Variants in SPA17 observed in about 807,000 individuals in gnomAD.
SPA17 encodes sperm surface protein Sp17.
Under a neutral mutation model 13.8 loss-of-function variants are expected in SPA17, and 7 were observed. The ratio of observed to expected loss-of-function variants is 0.51; its 90% CI spans 0.29 to 0.95. SPA17 has a LOEUF of 0.95. SPA17 is among the 40% of genes least tolerant of loss of function. The probability of loss-of-function intolerance (pLI) is 0.08; values close to 1 mark genes in which losing one functional copy is unlikely to be tolerated. For synonymous variants in SPA17, 61 were observed against 59.0 expected, an observed-to-expected ratio of 1.03 and a Z score of -0.16; for missense variants, 170 against 179.3, an observed-to-expected ratio of 0.95 and a Z score of 0.30.
chr11:124,675,564 T>C (rs544868583), intron 2 of SPA17, 146 bp downstream of exon 2: 62 of 762,750 alleles, frequency 8.1e-5, no homozygotes, highest in Non-Finnish European at 6.2e-6. Flanking sequence ...TTTGAAACAG[T>C]ATGTACCTCT....
At chr11:124,677,338 C>A (rs1342428698) in intron 2 of SPA17, among the ~76,000 whole-genome samples, 1 of 152,084 alleles carries the variant, frequency 6.6e-6, no homozygotes, top group African/African-American at 2.4e-5. Flanking sequence ...GGTTACTACT[C>A]TTAATTTTTA....
chr11:124,680,029 A>G (rs768669152), intron 2 of SPA17, among the ~76,000 whole-genome samples: 1 of 152,220 alleles, frequency 6.6e-6, no homozygotes, highest in Non-Finnish European at 1.5e-5. Context: ...GGAAAGAACT[A>G]AACCTTTAAC....
chr11:124,696,197 C>G lies in SPA17; in HGVS notation c.*1751C>G, dbSNP rs1422451006. On this transcript the variant is annotated 3_prime_UTR_variant, in exon 5 of 5. Coordinates refer to ENST00000227135, the MANE Select transcript of SPA17 (RefSeq NM_017425.4). ...TCCAGGCTTACAGAGGAAAAGAAAT[C>G]AGTTCTCCTCCAGGATTCCAGCTGT... 1.3e-5 allele frequency: 2 copies of G among 152,288 alleles called. No homozygotes were observed. The highest frequency in any genetic ancestry group is 2.9e-5 in the Non-Finnish European group (2 of 68,162). 9.4% of individuals were successfully genotyped at this position (152,288 alleles called of 1,614,324 possible). A position where few individuals can be genotyped will look rare whatever the true frequency, so the allele number is the denominator to read the frequency against.
At chr11:124,681,556 G>T in intron 3 of SPA17, 97 bp downstream of exon 3, 6 of 684,980 alleles carry the variant, frequency 8.8e-6, no homozygotes, top group Non-Finnish European at 1.1e-5. Context: ...AATTATGTGA[G>T]GAGGCATCAC....
At chr11:124,679,963 T>C (rs767039790) in intron 2 of SPA17, among the ~76,000 whole-genome samples, 26 of 152,228 alleles carry the variant, frequency 1.7e-4, no homozygotes, top group Non-Finnish European at 3.7e-4. Context: ...TTGGTCATCC[T>C]GAGAGGATCC....
rs55684404 is a variant in SPA17 at position 124,675,214 on chromosome 11, C to T, written c.-27-24C>T. ...AAGTAAAATCAGACAAATTTAAAGA[C>T]AGTACTCTTTAATGAATCTTTAGGT... On this transcript the variant is annotated intron_variant, in intron 1 of 4. Transcript: ENST00000227135. The T allele has an allele frequency of 7.2e-3, 11,357 of 1,570,482 alleles. 728 individuals are homozygous for T. The African/African-American group carries it at 0.13, about 18-fold the overall frequency.
intron 3 of SPA17, among the ~76,000 whole-genome samples, chr11:124,684,098 C>T (rs1289420488): frequency 1.3e-5 from 2 of 152,142 alleles, no homozygotes; most frequent in Non-Finnish European, 2.9e-5. Context: ...GCTCAGCTCT[C>T]ATTCTCTCTC....
chr11:124,686,059 A>C (rs2134414770), intron 3 of SPA17, among the ~76,000 whole-genome samples: 1 of 152,222 alleles, frequency 6.6e-6, no homozygotes, highest in East Asian at 1.9e-4. Context: ...TGAGAGCATG[A>C]GATTTGGGAG....
rs60962125 is a variant in SPA17, at chr11:124,696,480, TAC to T, written c.*2054_*2055del. Reference sequence around the variant, plus strand: ...AAAGTGACTAGCACTATGCATTCCATACACACACACACACACACACAGATCTC... The same window carrying T: ...AAAGTGACTAGCACTATGCATTCCATACACACACACACACACACAGATCTC... On this transcript the variant is annotated 3_prime_UTR_variant, in exon 5 of 5. Transcript: ENST00000227135. 39 of 148,538 alleles carry T rather than the reference TAC, an allele frequency of 2.6e-4. No homozygotes were observed. The highest frequency in any genetic ancestry group is 3.1e-4 in the Non-Finnish European group (21 of 66,750). The allele number at this position is 148,538 out of a possible 1,614,324, so 9.2% of individuals were successfully genotyped here.
At chr11:124,693,948 GTTCT>G (rs1166135274) in intron 4 of SPA17, among the ~76,000 whole-genome samples, 1 of 152,118 alleles carries the variant, frequency 6.6e-6, no homozygotes, top group Non-Finnish European at 1.5e-5. Flanking sequence ...AACATTTACA[GTTCT>G]TTCTTCTTAA....
intron 3 of SPA17, among the ~76,000 whole-genome samples, chr11:124,684,547 C>T (rs935080950): frequency 5.9e-5 from 9 of 152,162 alleles, no homozygotes; most frequent in Non-Finnish European, 1.0e-4. Flanking sequence ...CCACTGCTTC[C>T]GGCCTAATGC....
chr11:124,694,203 G>T, intron 4 of SPA17, 100 bp from the exon 5 acceptor site: 1 of 1,446,936 alleles, frequency 6.9e-7, no homozygotes, highest in Non-Finnish European at 9.4e-7. Context: ...CTCTCAGATA[G>T]TTGCATCCCT....
In SPA17 at chr11:124,694,728, A is replaced by T. The variant is rs748386361; in HGVS notation, c.*282A>T. ...AACTAAAGTATCTGAGATTACAGAG[A>T]TCTCAGAGGTTATGTGTTCTAACTA... is the stretch of plus-strand genomic sequence containing the variant. On this transcript the variant is annotated 3_prime_UTR_variant, in exon 5 of 5. Transcript: ENST00000227135. 17 of 270,926 alleles carry T rather than the reference A, an allele frequency of 6.3e-5. No homozygotes were observed. Among genetic ancestry groups the T allele is most frequent in the Non-Finnish European group, 1.1e-4 (16 of 145,406 alleles). The allele number at this position is 270,926 out of a possible 1,614,324, so 16.8% of individuals were successfully genotyped here.
intron 2 of SPA17, chr11:124,676,318 C>G (rs1943464344): frequency 6.6e-6 from 1 of 152,278 alleles, no homozygotes; most frequent in Non-Finnish European, 1.5e-5. Context: ...ACCCCTGCCC[C>G]AACCCCTGGA....
At chr11:124,677,547 T>A (rs1277408121) in intron 2 of SPA17, among the ~76,000 whole-genome samples, 1 of 152,152 alleles carries the variant, frequency 6.6e-6, no homozygotes, top group Non-Finnish European at 1.5e-5. Context: ...GAAGAAAATA[T>A]GGATGAATTT....
intron 2 of SPA17, chr11:124,675,673 G>A: frequency 6.1e-6 from 2 of 328,026 alleles, no homozygotes; most frequent in South Asian, 3.9e-5. Context: ...CAGCGTGGAA[G>A]GTAACTGCAA....
Position 124,675,277 on chromosome 11 carries a change from T to C in SPA17, c.13T>C (p.Phe5Leu), listed in dbSNP as rs1369938484. Residue 5 changes from phenylalanine (F) to leucine (L), a missense_variant, in exon 2 of 5, where the codon TTC (phenylalanine) becomes CTC (leucine). Physicochemically the swap from Phe to Leu is conservative, Grantham distance 22. Coordinates refer to ENST00000227135, the MANE Select transcript of SPA17 (RefSeq NM_017425.4). ...TCTTACCAAGAAGATGTCGATTCCA[T>C]TCTCCAACACCCACTACCGAATTCC... MSIP[F>L]SNTHYRIPQG... The C allele has an allele frequency of 6.2e-7, 1 of 1,612,446 alleles. No individual in the cohort carries two copies. Among genetic ancestry groups the C allele is most frequent in the South Asian group, 1.1e-5 (1 of 90,404 alleles).
chr11:124,681,413 G>T lies in SPA17; in HGVS notation c.179G>T (p.Trp60Leu), dbSNP rs755909293. The T allele has an allele frequency of 6.3e-7, 1 of 1,578,548 alleles. No homozygotes were observed. The highest frequency in any genetic ancestry group is 8.6e-7 in the Non-Finnish European group (1 of 1,159,618). ...REKTNFDPAEWGSKVEDRFYN... is the reference protein window; with the variant it reads ...REKTNFDPAELGSKVEDRFYN... ...GAAACCAACTTTGATCCAGCAGAATGGGGGAGTAAGGTAGAAGACCGCTTC... is the reference window on the plus strand; with the variant it reads ...GAAACCAACTTTGATCCAGCAGAATTGGGGAGTAAGGTAGAAGACCGCTTC... The change falls in exon 3 of 5, where the codon TGG becomes TTG. Residue 60 changes from tryptophan to leucine, a missense_variant. Physicochemically the swap from Trp to Leu is moderately conservative, Grantham distance 61. Transcript: ENST00000227135.
intron 3 of SPA17, among the ~76,000 whole-genome samples, chr11:124,686,190 T>TGGGGGG (rs60389113): frequency 5.3e-5 from 4 of 74,882 alleles, no homozygotes; most frequent in African/African-American, 2.3e-4. Context: ...GAATCATGGG[T>TGGGGGG]GGGGGGGGGG....
Sources: gnomAD v4.1 joint callset for allele counts (sites outside exome capture counted in the v4.1 genomes callset) on GRCh38, gnomAD v4.1.1 for gene constraint, MANE v1.5 for transcripts, NCBI Gene and HGNC (gene_info 2026-07-23, HGNC 2026-07-21) for gene names.